CIBAR1: variants seen among roughly 807,000 people sequenced by gnomAD.
The protein encoded by CIBAR1 is CBY1-interacting BAR domain-containing protein 1.
In CIBAR1, 25 loss-of-function variants were observed where a neutral mutation model predicts 44.0. That is an observed-to-expected ratio of 0.57 (90% CI 0.41 to 0.79). The LOEUF (loss-of-function observed/expected upper bound fraction) is 0.79, where lower values mean the gene tolerates loss of function less well. CIBAR1 is among the 30% of genes least tolerant of loss of function. CIBAR1 has a pLI of 0.00. For missense variants in CIBAR1, 278 were observed against 344.8 expected (o/e 0.81, Z 1.53); for synonymous variants, 115 against 119.0 (o/e 0.97, Z 0.22).
At chr8:93,727,205 A>G (rs1245277815) in intron 8 of CIBAR1, 2 of 1,283,790 alleles carry the variant, frequency 1.6e-6, no homozygotes, top group African/African-American at 1.5e-5. Flanking sequence ...CCTTCAGAAT[A>G]TAAAATTCAA....
At chr8:93,722,097 G>C (rs1036326750) in intron 7 of CIBAR1, among the ~76,000 whole-genome samples, 1 of 152,156 alleles carries the variant, frequency 6.6e-6, no homozygotes, top group African/African-American at 2.4e-5. Context: ...ATGAACCACA[G>C]GCATAAACTA....
At chr8:93,722,682 A>G (rs1811313088) in intron 7 of CIBAR1, among the ~76,000 whole-genome samples, 1 of 152,086 alleles carries the variant, frequency 6.6e-6, no homozygotes, top group Admixed American at 6.5e-5. Context: ...CCTGGGTGAC[A>G]GGGTGAGACT....
At position 93,729,772 on chromosome 8, in the gene CIBAR1, A is replaced by G. The variant is rs1022644841; in HGVS notation, c.*1475A>G. On this transcript the variant is annotated 3_prime_UTR_variant, in exon 9 of 9. Transcript: ENST00000518322. ...GTAACTATGTAACCATGTAAGACTT[A>G]AGTACACTTAAAAAATGTGAAAAAC... 6.6e-6 allele frequency: 1 copy of G among 152,218 alleles called. No individual in the cohort carries two copies. Among genetic ancestry groups the G allele is most frequent in the Admixed American group, 6.5e-5 (1 of 15,272 alleles). The allele number at this position is 152,218 out of a possible 1,614,324, so 9.4% of individuals were successfully genotyped here. A position where few individuals can be genotyped will look rare whatever the true frequency, so the allele number is the denominator to read the frequency against.
chr8:93,719,852 C>T (rs1300591598), intron 7 of CIBAR1: 1 of 152,126 alleles, frequency 6.6e-6, no homozygotes, highest in East Asian at 1.9e-4. Context: ...CTTTCCCCAT[C>T]TCATCTCTAA....
At chr8:93,716,902 G>A (rs1479529984) in intron 6 of CIBAR1, among the ~76,000 whole-genome samples, 1 of 152,178 alleles carries the variant, frequency 6.6e-6, no homozygotes, top group East Asian at 1.9e-4. Context: ...CTGGAGAGCT[G>A]TCATTTCCTC....
intron 2 of CIBAR1, chr8:93,702,406 G>A (rs1810399327): frequency 5.1e-6 from 2 of 393,558 alleles, no homozygotes; most frequent in Admixed American, 3.1e-5. Context: ...TCTTATTTTA[G>A]CCAATAATTT....
chr8:93,704,888 C>G, intron 3 of CIBAR1, 21 bp from the exon 4 acceptor site: 1 of 1,513,564 alleles, frequency 6.6e-7, no homozygotes, highest in East Asian at 2.3e-5. Flanking sequence ...TTTTTACTAA[C>G]AAAAAAATGC....
chr8:93,705,112 A>G, intron 4 of CIBAR1, 102 bp downstream of exon 4: 1 of 734,740 alleles, frequency 1.4e-6, no homozygotes, highest in Non-Finnish European at 2.3e-6. Context: ...CGAGTAGAGA[A>G]TTTGAATATA....
At chr8:93,717,093 C>T (rs1226459272) in intron 6 of CIBAR1, among the ~76,000 whole-genome samples, 1 of 152,216 alleles carries the variant, frequency 6.6e-6, no homozygotes, top group East Asian at 1.9e-4. Flanking sequence ...AAGGGAACCT[C>T]CTCCCTCAGC....
chr8:93,712,308 G>C (rs1159393643), intron 6 of CIBAR1, among the ~76,000 whole-genome samples: 1 of 152,178 alleles, frequency 6.6e-6, no homozygotes, highest in Non-Finnish European at 1.5e-5. Flanking sequence ...CATCAAATAT[G>C]TTGACTTCTG....
At chr8:93,704,618 T>C (rs1334540920) in intron 3 of CIBAR1, among the ~76,000 whole-genome samples, 1 of 152,200 alleles carries the variant, frequency 6.6e-6, no homozygotes, top group Non-Finnish European at 1.5e-5. Flanking sequence ...CAAATGTTTA[T>C]ACCCATGTAA....
rs1373671868 is a variant in CIBAR1 at position 93,730,170 on chromosome 8, T to C, written c.*1873T>C. The C allele has an allele frequency of 1.3e-5, 2 of 152,194 alleles. No homozygotes were observed. The highest frequency in any genetic ancestry group is 4.8e-5 in the African/African-American group (2 of 41,448). The allele number at this position is 152,194 out of a possible 1,614,324, so 9.4% of individuals were successfully genotyped here. ...TTATCAGAATTAAATGATAGTTAAT[T>C]CATACATAATTATACATCATATAGT... is the stretch of plus-strand genomic sequence containing the variant. On this transcript the variant is annotated 3_prime_UTR_variant, in exon 9 of 9. Transcript: ENST00000518322.
In CIBAR1 at chr8:93,700,570, C is replaced by A. The variant is rs1415235485; in HGVS notation, c.-78C>A. 12 of 1,392,830 alleles carry A rather than the reference C, an allele frequency of 8.6e-6. No homozygotes were observed. The Middle Eastern group carries it at 7.8e-4, about 91-fold the overall frequency. The allele number at this position is 1,392,830 out of a possible 1,614,324, so 86.3% of individuals were successfully genotyped here. ...CTTTCAGGCTCCCGGCGGCTGCTTG[C>A]GCCCCAGCGCGCGCCCAGGCGCCTT... On this transcript the variant is annotated 5_prime_UTR_variant, in exon 1 of 9. Transcript: ENST00000518322.
chr8:93,712,771 T>C (rs1017684455), intron 6 of CIBAR1, among the ~76,000 whole-genome samples: 3 of 151,550 alleles, frequency 2.0e-5, no homozygotes, highest in Admixed American at 1.3e-4. Context: ...GTAGTAGTCG[T>C]CTCATTATAG....
intron 6 of CIBAR1, among the ~76,000 whole-genome samples, chr8:93,714,008 A>T (rs1387385652): frequency 6.6e-6 from 1 of 152,212 alleles, no homozygotes; most frequent in African/African-American, 2.4e-5. Context: ...CAAAGAAGTC[A>T]GTTCGGGTTC....
chr8:93,722,794 T>C (rs562668603), intron 7 of CIBAR1, among the ~76,000 whole-genome samples: 83 of 152,298 alleles, frequency 5.4e-4, no homozygotes, highest in African/African-American at 1.8e-3. Flanking sequence ...TTGGACCATG[T>C]TGGAAAATGC....
At chr8:93,722,553 C>T (rs767133492) in intron 7 of CIBAR1, among the ~76,000 whole-genome samples, 1 of 152,094 alleles carries the variant, frequency 6.6e-6, no homozygotes, top group Non-Finnish European at 1.5e-5. Context: ...AAAAAATTAG[C>T]CAGGCATGGT....
chr8:93,725,443 G>A (rs1811449336), intron 7 of CIBAR1, among the ~76,000 whole-genome samples: 1 of 151,896 alleles, frequency 6.6e-6, no homozygotes, highest in Admixed American at 6.6e-5. Context: ...GGATGAAGAG[G>A]AAAAAAAGAC....
chr8:93,714,820 T>C (rs886660481), intron 6 of CIBAR1, among the ~76,000 whole-genome samples: 2 of 152,166 alleles, frequency 1.3e-5, no homozygotes, highest in African/African-American at 4.8e-5. Context: ...TAGTCAGATA[T>C]TACCATGTTG....
Sources: allele counts gnomAD v4.1 joint callset (sites outside exome capture counted in the v4.1 genomes callset), GRCh38; gene constraint gnomAD v4.1.1; transcripts MANE v1.5; gene names NCBI Gene and HGNC (gene_info 2026-07-23, HGNC 2026-07-21).